Variants in AK7 observed in about 807,000 individuals in gnomAD.
AK7 encodes ATP-AMP transphosphorylase 7.
AK7 carries 78 observed loss-of-function variants against 96.6 expected under a neutral mutation model. The observed-to-expected ratio is 0.81, with a 90% CI of 0.67 to 0.97. The LOEUF (loss-of-function observed/expected upper bound fraction) is 0.97. Ranked by LOEUF, AK7 falls within the 50% of genes least tolerant of loss-of-function variation. The pLI is 0.00. For missense variants in AK7, 855 were observed against 887.9 expected (o/e 0.96, Z 0.47); for synonymous variants, 302 against 317.2 (o/e 0.95, Z 0.51).
intron 14 of AK7, among the ~76,000 whole-genome samples, chr14:96,473,819 G>A (rs143741726): frequency 5.9e-5 from 9 of 152,248 alleles, no homozygotes; most frequent in African/African-American, 1.9e-4. Context: ...GGTGCTAACC[G>A]TGCCCTCATC....
At chr14:96,435,002 G>T (rs906782861) in intron 5 of AK7, among the ~76,000 whole-genome samples, 9 of 152,176 alleles carry the variant, frequency 5.9e-5, no homozygotes, top group Non-Finnish European at 1.2e-4. Context: ...CTTCAGGAAA[G>T]TAGGCTCCCC....
At chr14:96,447,297 T>A (rs1893298545) in intron 8 of AK7, among the ~76,000 whole-genome samples, 1 of 152,200 alleles carries the variant, frequency 6.6e-6, no homozygotes, top group African/African-American at 2.4e-5. Context: ...AGTTCTATTT[T>A]TAATATTATT....
intron 4 of AK7, among the ~76,000 whole-genome samples, chr14:96,418,322 T>TAAAAAAAAAATAAAAAAAAAAAAAAAAAA (rs1891467981): frequency 2.4e-5 from 1 of 41,820 alleles, no homozygotes; most frequent in Non-Finnish European, 4.5e-5. Flanking sequence ...AGACCTTGTC[T>TAAAAAAAAAATAAAAAAAAAAAAAAAAAA]AAAAAAAAAA....
chr14:96,478,357 T>A (rs1037874682), intron 14 of AK7, 108 bp from the exon 15 acceptor site: 4 of 1,087,274 alleles, frequency 3.7e-6, no homozygotes, highest in Non-Finnish European at 5.5e-6. Flanking sequence ...AGGCTATTTG[T>A]GGCAACAGGA....
rs1276589306 is a variant in AK7, at chr14:96,458,112, G to A, written c.1257G>A (p.Gly419=). The change falls in exon 12 of 18, where the codon GGG becomes GGA. Residue 419 remains glycine, a synonymous_variant. Transcript: ENST00000267584. Reference sequence around the variant, plus strand: ...CGATTGTTGCCCCTAACGATGTAGGGGAAGGAGAAGAAGAAGTCGAAGAGG... The same window carrying A: ...CGATTGTTGCCCCTAACGATGTAGGAGAAGGAGAAGAAGAAGTCGAAGAGG... The part of the protein sequence containing the change: ...LEAIVAPNDV[G]EGEEEVEEEE... 5.0e-6 allele frequency: 8 copies of A among 1,613,764 alleles called. No homozygotes were observed. The Admixed American group carries it at 1.3e-4, about 27-fold the overall frequency.
intron 1 of AK7, 38 bp downstream of exon 1, chr14:96,392,297 C>G: frequency 6.4e-7 from 1 of 1,555,764 alleles, no homozygotes. Context: ...CACGCCAGCT[C>G]TCAGCTCCCA....
intron 12 of AK7, among the ~76,000 whole-genome samples, chr14:96,467,942 GT>G (rs1683191226): frequency 6.6e-6 from 1 of 151,900 alleles, no homozygotes. Context: ...AAAGAAAAAA[GT>G]CAGATACGGT....
In AK7 at chr14:96,398,094, T is replaced by A; in HGVS notation, c.125T>A (p.Val42Asp). 6.2e-7 allele frequency: 1 copy of A among 1,614,040 alleles called. No homozygotes were observed. Among genetic ancestry groups the A allele is most frequent in the Non-Finnish European group, 8.5e-7 (1 of 1,180,020 alleles). The change falls in exon 2 of 18, where the codon GTT becomes GAT. Residue 42 changes from valine (V) to aspartate (D), a missense_variant. Coordinates refer to ENST00000267584, the MANE Select transcript of AK7 (RefSeq NM_152327.5). Reference protein sequence around the residue: ...NIGKFLSNCVVGASLEEITEE... With the variant: ...NIGKFLSNCVDGASLEEITEE... The stretch of plus-strand genomic sequence containing the variant: ...TTGCAGTTTCTATCTAACTGTGTAG[T>A]TGGGGCTTCGCTTGAAGAAATTACA...
At chr14:96,461,875 T>A (rs1261794530) in intron 12 of AK7, among the ~76,000 whole-genome samples, 1 of 152,206 alleles carries the variant, frequency 6.6e-6, no homozygotes, top group African/African-American at 2.4e-5. Flanking sequence ...CGTGAGCCAC[T>A]GTGCTTGGCC....
At position 96,450,331 on chromosome 14, in the gene AK7, G is replaced by A. The variant is rs186989882; in HGVS notation, c.948+452G>A. 6.6e-5 allele frequency among the ~76,000 whole-genome samples: 10 copies of A among 151,624 alleles called. 1 individual carries two copies. Among genetic ancestry groups the A allele is most frequent in the East Asian group, 1.9e-4 (1 of 5,148 alleles). On this transcript the variant is annotated intron_variant, in intron 9 of 17. Transcript: ENST00000267584. ...CTTGGGAGGCTGAGACAGGAGAATC[G>A]CTTGAACCCGGGAGGCAGAGGTTGC...
Position 96,446,514 on chromosome 14 carries a change from C to A in AK7, c.780-3C>A. On this transcript the variant is annotated splice_region_variant and splice_polypyrimidine_tract_variant and intron_variant, in intron 7 of 17. Coordinates refer to ENST00000267584, the MANE Select transcript of AK7 (RefSeq NM_152327.5). ...GATGATTATTTTACCTGTGGGTCTG[C>A]AGAGTGATACAAAACGTCATAGATC... The A allele has an allele frequency of 6.2e-7, 1 of 1,613,734 alleles. No homozygotes were observed. Among genetic ancestry groups the A allele is most frequent in the Non-Finnish European group, 8.5e-7 (1 of 1,179,664 alleles).
intron 14 of AK7, among the ~76,000 whole-genome samples, chr14:96,475,856 G>A (rs1324159722): frequency 1.3e-5 from 2 of 152,080 alleles, no homozygotes; most frequent in Non-Finnish European, 2.9e-5. Flanking sequence ...GCATGTGCCT[G>A]TGGTCCCAGC....
At position 96,420,806 on chromosome 14, in the gene AK7, TTCTTTC is replaced by T; in HGVS notation, c.499-14_499-9del. 1.3e-6 allele frequency: 2 copies of T among 1,574,140 alleles called. No homozygotes were observed. Among genetic ancestry groups the T allele is most frequent in the Non-Finnish European group, 1.7e-6 (2 of 1,147,088 alleles). On this transcript the variant is annotated splice_polypyrimidine_tract_variant and intron_variant, in intron 4 of 17. Coordinates refer to ENST00000267584, the MANE Select transcript of AK7 (RefSeq NM_152327.5). ...AATTCACCAAGTCTGTACCTTTTCT[TTCTTTC>T]TTATAATAGGAGGATTCTGAGGTTC...
intron 4 of AK7, among the ~76,000 whole-genome samples, chr14:96,410,899 G>T (rs1890994202): frequency 6.6e-6 from 1 of 152,180 alleles, no homozygotes; most frequent in Non-Finnish European, 1.5e-5. Flanking sequence ...TACTCAGGAG[G>T]CTGAGGTGGG....
chr14:96,445,527 G>T (rs1443464544), intron 7 of AK7, among the ~76,000 whole-genome samples: 1 of 152,156 alleles, frequency 6.6e-6, no homozygotes, highest in Non-Finnish European at 1.5e-5. Flanking sequence ...GGGTTTGGTG[G>T]CTCATGCCTG....
At chr14:96,437,579 G>T (rs1438282612) in intron 5 of AK7, among the ~76,000 whole-genome samples, 3 of 152,062 alleles carry the variant, frequency 2.0e-5, no homozygotes, top group Non-Finnish European at 1.5e-5. Context: ...CAGGTACAAA[G>T]TTTTCACAAA....
At chr14:96,408,227 G>A (rs1220327389) in intron 3 of AK7, among the ~76,000 whole-genome samples, 1 of 152,192 alleles carries the variant, frequency 6.6e-6, no homozygotes, top group East Asian at 1.9e-4. Flanking sequence ...ACTTTCTGAT[G>A]TGGGGCCTCT....
chr14:96,404,959 C>A, intron 3 of AK7, 94 bp downstream of exon 3: 1 of 792,444 alleles, frequency 1.3e-6, no homozygotes, highest in Non-Finnish European at 1.9e-6. Flanking sequence ...CAAAGTAGGG[C>A]TATAGAAAAA....
chr14:96,437,763 A>T, intron 5 of AK7, 72 bp from the exon 6 acceptor site: 2 of 1,153,656 alleles, frequency 1.7e-6, no homozygotes, highest in Non-Finnish European at 2.5e-6. Flanking sequence ...CATTTTAACT[A>T]CTAAAATAAT....
Sources: allele counts gnomAD v4.1 joint callset (sites outside exome capture counted in the v4.1 genomes callset), GRCh38; gene constraint gnomAD v4.1.1; transcripts MANE v1.5; gene names NCBI Gene and HGNC (gene_info 2026-07-23, HGNC 2026-07-21).